The following KCNIP4 variants were observed in gnomAD, a reference collection of about 807,000 sequenced individuals.
The protein encoded by KCNIP4 is Kv channel-interacting protein 4.
A neutral mutation model predicts 34.0 loss-of-function variants in KCNIP4; 12 were observed. That is an observed-to-expected ratio of 0.35 (90% confidence interval 0.23 to 0.57). The LOEUF is 0.57. KCNIP4 is among the 20% of genes least tolerant of loss of function. The pLI is 0.83. For missense variants in KCNIP4, 238 were observed against 311.7 expected, an observed-to-expected ratio of 0.76 and a Z score of 1.78; for synonymous variants, 124 against 102.2, an observed-to-expected ratio of 1.21 and a Z score of -1.29.
rs191253962 is a variant in KCNIP4 at position 21,352,596 on chromosome 4, G to T, written c.62-469887C>A. Among the ~76,000 whole-genome samples, 763 of 152,362 alleles carry T rather than the reference G, an allele frequency of 5.0e-3. 3 individuals carry two copies. The highest frequency in any genetic ancestry group is 0.02 in the Middle Eastern group (6 of 294). ...GGGAGGGATGTTCACCATTGCTGAG[G>T]CTTGAGCAGGTAAACAAAGCAGCCA... On this transcript the variant is annotated intron_variant, in intron 1 of 8. Coordinates refer to ENST00000382152, the MANE Select transcript of KCNIP4 (RefSeq NM_025221.6).
chr4:21,427,269 TCTA>T (rs1187947166), intron 1 of KCNIP4, among the ~76,000 whole-genome samples: 1 of 151,918 alleles, frequency 6.6e-6, no homozygotes, highest in Non-Finnish European at 1.5e-5. Context: ...TTATTGAGCA[TCTA>T]CTATGAGCCA....
chr4:21,633,143 T>TA (rs1269620236), intron 1 of KCNIP4, among the ~76,000 whole-genome samples: 1 of 152,202 alleles, frequency 6.6e-6, no homozygotes, highest in Admixed American at 6.5e-5. Flanking sequence ...GTTATAAGTT[T>TA]ATTGCACCCA....
chr4:21,546,957 A>G, intron 1 of KCNIP4, among the ~76,000 whole-genome samples: 1 of 152,136 alleles, frequency 6.6e-6, no homozygotes, highest in East Asian at 1.9e-4. Flanking sequence ...ATAATAGGAA[A>G]TGTTATTTTA....
At chr4:21,521,434 C>T (rs549283718) in intron 1 of KCNIP4, among the ~76,000 whole-genome samples, 1 of 152,080 alleles carries the variant, frequency 6.6e-6, no homozygotes, top group Non-Finnish European at 1.5e-5. Flanking sequence ...TCAGCTCTTG[C>T]TCTTTTTCTT....
intron 3 of KCNIP4, among the ~76,000 whole-genome samples, chr4:20,791,010 C>A (rs759471976): frequency 6.6e-6 from 1 of 152,082 alleles, no homozygotes; most frequent in Non-Finnish European, 1.5e-5. Flanking sequence ...TATTGCTCAT[C>A]CCCAATCTTC....
chr4:21,424,305 G>A (rs1003305616), intron 1 of KCNIP4, among the ~76,000 whole-genome samples: 3 of 151,622 alleles, frequency 2.0e-5, no homozygotes, highest in African/African-American at 7.3e-5. Flanking sequence ...GGGCATGGTG[G>A]CTCATGCCTG....
chr4:21,258,362 G>A (rs534230616), intron 1 of KCNIP4, among the ~76,000 whole-genome samples: 2 of 152,236 alleles, frequency 1.3e-5, no homozygotes, highest in African/African-American at 4.8e-5. Flanking sequence ...AGATGCTGCA[G>A]GATTCAAGAA....
At chr4:20,794,241 G>A (rs899987908) in intron 3 of KCNIP4, among the ~76,000 whole-genome samples, 22 of 152,138 alleles carry the variant, frequency 1.4e-4, no homozygotes, top group African/African-American at 5.3e-4. Flanking sequence ...GTTCACAGTA[G>A]GGTTCATGCT....
chr4:21,912,591 A>G (rs1351140223), intron 1 of KCNIP4, among the ~76,000 whole-genome samples: 4 of 152,130 alleles, frequency 2.6e-5, no homozygotes, highest in Non-Finnish European at 5.9e-5. Flanking sequence ...TGAGGCGTCT[A>G]TGAAGGTTTC....
At chr4:21,281,879 C>A (rs1160041934) in intron 1 of KCNIP4, among the ~76,000 whole-genome samples, 3 of 152,096 alleles carry the variant, frequency 2.0e-5, no homozygotes, top group African/African-American at 7.2e-5. Flanking sequence ...GGCTGCAAAC[C>A]TGCAATTTTC....
At chr4:20,796,918 AAC>A (rs1432842973) in intron 3 of KCNIP4, among the ~76,000 whole-genome samples, 1 of 152,222 alleles carries the variant, frequency 6.6e-6, no homozygotes, top group Admixed American at 6.5e-5. Context: ...TAAAATAAAC[AAC>A]AGTTACTTTC....
At chr4:21,436,066 T>C (rs1726919682) in intron 1 of KCNIP4, among the ~76,000 whole-genome samples, 1 of 152,194 alleles carries the variant, frequency 6.6e-6, no homozygotes, top group African/African-American at 2.4e-5. Context: ...AGGGAAGTCA[T>C]TTAGACGGCA....
chr4:21,748,401 G>A (rs527305380), intron 1 of KCNIP4, among the ~76,000 whole-genome samples: 63 of 152,148 alleles, frequency 4.1e-4, no homozygotes, highest in Non-Finnish European at 8.8e-4. Context: ...ATAAGCATTT[G>A]ATAAGGTGTA....
At chr4:21,405,813 G>A (rs1723932417) in intron 1 of KCNIP4, among the ~76,000 whole-genome samples, 1 of 152,092 alleles carries the variant, frequency 6.6e-6, no homozygotes, top group African/African-American at 2.4e-5. Context: ...CACAGCTAGT[G>A]GCCTGTCATC....
intron 3 of KCNIP4, among the ~76,000 whole-genome samples, chr4:20,788,779 G>A (rs554180995): frequency 6.6e-6 from 1 of 152,170 alleles, no homozygotes; most frequent in Admixed American, 6.6e-5. Context: ...GTATGTAGTT[G>A]GTGAATTCAG....
intron 1 of KCNIP4, among the ~76,000 whole-genome samples, chr4:21,172,343 T>C (rs1754076277): frequency 1.3e-5 from 2 of 152,326 alleles, no homozygotes; most frequent in South Asian, 4.1e-4. Context: ...ATTCTGAATG[T>C]TTTAACTGAA....
intron 1 of KCNIP4, among the ~76,000 whole-genome samples, chr4:21,434,192 A>T (rs1449203701): frequency 6.6e-6 from 1 of 152,176 alleles, no homozygotes; most frequent in Non-Finnish European, 1.5e-5. Context: ...TAAAACAGAT[A>T]TTCATGTTAC....
At chr4:21,559,349 G>A (rs563235869) in intron 1 of KCNIP4, among the ~76,000 whole-genome samples, 21 of 152,118 alleles carry the variant, frequency 1.4e-4, no homozygotes, top group Non-Finnish European at 2.5e-4. Context: ...GTTTCAAAGT[G>A]CTTTTATTCA....
At position 21,884,245 on chromosome 4, in the gene KCNIP4, T is replaced by C. The variant is rs1164684889; in HGVS notation, c.61+64326A>G. ...GCCAGTTCTTGGTGACAGGCTACTA[T>C]GCAACATAACACTTCATTTCAAAGG... On this transcript the variant is annotated intron_variant, in intron 1 of 8. Coordinates refer to ENST00000382152, the MANE Select transcript of KCNIP4 (RefSeq NM_025221.6). Among the ~76,000 whole-genome samples, 3 of 152,112 alleles carry C rather than the reference T, an allele frequency of 2.0e-5. No individual in the cohort carries two copies. The East Asian group carries it at 5.8e-4, about 29-fold the overall frequency.
Sources: gnomAD v4.1 joint callset for allele counts (sites outside exome capture counted in the v4.1 genomes callset) on GRCh38, gnomAD v4.1.1 for gene constraint, MANE v1.5 for transcripts, NCBI Gene and HGNC (gene_info 2026-07-23, HGNC 2026-07-21) for gene names.